Variants in GUCY1A2 observed in about 807,000 individuals in gnomAD.
GUCY1A2 encodes the protein guanylate cyclase soluble subunit alpha-2.
A neutral mutation model predicts 63.5 loss-of-function variants in GUCY1A2; 27 were observed. The observed-to-expected ratio is 0.43, with a 90% CI of 0.31 to 0.59. GUCY1A2 has a LOEUF of 0.59. Ranked by LOEUF, GUCY1A2 falls within the 20% of genes least tolerant of loss-of-function variation. The pLI is 0.11. For missense variants in GUCY1A2, 768 were observed against 913.3 expected (o/e 0.84, Z 2.05); for synonymous variants, 364 against 343.5 (o/e 1.06, Z -0.66).
At chr11:106,774,802 G>A (rs1010412592) in intron 6 of GUCY1A2, among the ~76,000 whole-genome samples, 1 of 152,036 alleles carries the variant, frequency 6.6e-6, no homozygotes, top group Non-Finnish European at 1.5e-5. Context: ...ACAAGCTCTT[G>A]CTTCATCTAT....
chr11:106,761,957 T>C (rs971715648), intron 6 of GUCY1A2, among the ~76,000 whole-genome samples: 3 of 152,116 alleles, frequency 2.0e-5, no homozygotes, highest in African/African-American at 7.2e-5. Flanking sequence ...CTGCGCTGCA[T>C]AGAGCACAGT....
intron 1 of GUCY1A2, among the ~76,000 whole-genome samples, chr11:107,002,896 CAGT>C (rs1468813135): frequency 1.3e-5 from 2 of 152,162 alleles, no homozygotes; most frequent in Non-Finnish European, 1.5e-5. Context: ...CAAAATATGA[CAGT>C]AGCCTTTGCA....
At chr11:106,953,336 C>A (rs1211702063) in intron 3 of GUCY1A2, among the ~76,000 whole-genome samples, 1 of 152,176 alleles carries the variant, frequency 6.6e-6, no homozygotes, top group Non-Finnish European at 1.5e-5. Flanking sequence ...TATGCATTTG[C>A]ATATGTTGAA....
At chr11:106,841,702 GAAGA>G (rs1216196899) in intron 4 of GUCY1A2, among the ~76,000 whole-genome samples, 1 of 151,846 alleles carries the variant, frequency 6.6e-6, no homozygotes, top group East Asian at 1.9e-4. Context: ...TTCTACAGCA[GAAGA>G]AAGTATAAAG....
chr11:106,913,698 A>C (rs1452546300), intron 4 of GUCY1A2, among the ~76,000 whole-genome samples: 3 of 152,170 alleles, frequency 2.0e-5, no homozygotes, highest in Non-Finnish European at 4.4e-5. Context: ...AAATGAGGCT[A>C]GACAGATGTA....
chr11:106,912,242 A>G (rs1019865599), intron 4 of GUCY1A2, among the ~76,000 whole-genome samples: 2 of 151,970 alleles, frequency 1.3e-5, no homozygotes, highest in African/African-American at 4.8e-5. Flanking sequence ...TCCATCCTCA[A>G]AAATATAAGA....
intron 4 of GUCY1A2, among the ~76,000 whole-genome samples, chr11:106,909,842 A>G (rs1860268998): frequency 6.6e-6 from 1 of 152,032 alleles, no homozygotes; most frequent in Admixed American, 6.6e-5. Context: ...GTATGATCAT[A>G]AGTTCTTATT....
At chr11:106,817,822 C>T (rs1858851247) in intron 4 of GUCY1A2, among the ~76,000 whole-genome samples, 1 of 151,888 alleles carries the variant, frequency 6.6e-6, no homozygotes, top group Non-Finnish European at 1.5e-5. Context: ...GTTAGAATGG[C>T]TATTAAAATG....
chr11:106,758,987 G>C (rs1864019680), intron 6 of GUCY1A2, among the ~76,000 whole-genome samples: 1 of 152,000 alleles, frequency 6.6e-6, no homozygotes, highest in Admixed American at 6.6e-5. Flanking sequence ...CATTTAGTTA[G>C]GAAAGGAGGG....
At chr11:106,916,475 C>T (rs183766174) in intron 4 of GUCY1A2, among the ~76,000 whole-genome samples, 1 of 145,476 alleles carries the variant, frequency 6.9e-6, no homozygotes, top group East Asian at 2.1e-4. Context: ...GATCGTAGTA[C>T]AGACTCTCAA....
At chr11:106,970,882 G>C (rs1861184440) in intron 3 of GUCY1A2, among the ~76,000 whole-genome samples, 1 of 151,860 alleles carries the variant, frequency 6.6e-6, no homozygotes, top group African/African-American at 2.4e-5. Context: ...ATATTTTTCA[G>C]GGGGGTGGGG....
At chr11:106,766,700 A>G (rs1864170076) in intron 6 of GUCY1A2, among the ~76,000 whole-genome samples, 1 of 152,118 alleles carries the variant, frequency 6.6e-6, no homozygotes, top group South Asian at 2.1e-4. Context: ...CAGATAGCAC[A>G]TTACTGTCTT....
intron 6 of GUCY1A2, among the ~76,000 whole-genome samples, chr11:106,715,900 C>T (rs1863205166): frequency 6.6e-6 from 1 of 152,144 alleles, no homozygotes; most frequent in African/African-American, 2.4e-5. Flanking sequence ...ATGATCATTG[C>T]TACAAAGTTA....
chr11:106,964,930 A>C (rs1202038523), intron 3 of GUCY1A2, among the ~76,000 whole-genome samples: 4 of 152,186 alleles, frequency 2.6e-5, no homozygotes, highest in Non-Finnish European at 5.9e-5. Flanking sequence ...CAGTGAGCCG[A>C]GATTGCACCA....
At chr11:106,827,340 G>A (rs1555037222) in intron 4 of GUCY1A2, 3 of 1,557,804 alleles carry the variant, frequency 1.9e-6, no homozygotes, top group Non-Finnish European at 8.9e-7. Context: ...CTCCTGCATC[G>A]AAGAAAGTAT....
intron 4 of GUCY1A2, among the ~76,000 whole-genome samples, chr11:106,871,592 G>A (rs1859678850): frequency 6.6e-6 from 1 of 152,084 alleles, no homozygotes; most frequent in Non-Finnish European, 1.5e-5. Flanking sequence ...AAGGATACCA[G>A]TTATATTGTA....
At chr11:106,834,627 A>G (rs1204168409) in intron 4 of GUCY1A2, among the ~76,000 whole-genome samples, 1 of 152,062 alleles carries the variant, frequency 6.6e-6, no homozygotes, top group Non-Finnish European at 1.5e-5. Context: ...AAACAAAAAA[A>G]GTAGATTTTG....
At chr11:106,778,406 C>A (rs1181838397) in intron 5 of GUCY1A2, among the ~76,000 whole-genome samples, 1 of 152,212 alleles carries the variant, frequency 6.6e-6, no homozygotes, top group East Asian at 1.9e-4. Flanking sequence ...CAATACATAT[C>A]CCTGGCTACG....
In GUCY1A2 at chr11:106,677,631, C is replaced by A; in HGVS notation, c.*9918G>T. ...TTGACATGCTGAATTTCATGGCATTCTGTCATTTTTATGACATTCTGTTAA... is the reference window on the plus strand; with the variant it reads ...TTGACATGCTGAATTTCATGGCATTATGTCATTTTTATGACATTCTGTTAA... On this transcript the variant is annotated 3_prime_UTR_variant, in exon 8 of 8. Transcript: ENST00000526355. 4.8e-6 allele frequency: 1 copy of A among 207,048 alleles called. No homozygotes were observed. Among genetic ancestry groups the A allele is most frequent in the Admixed American group, 5.9e-5 (1 of 16,862 alleles). 12.8% of individuals were successfully genotyped at this position (207,048 alleles called of 1,614,324 possible). A position where few individuals can be genotyped will look rare whatever the true frequency, so the allele number is the denominator to read the frequency against.
Sources: gnomAD v4.1 joint callset for allele counts (sites outside exome capture counted in the v4.1 genomes callset) on GRCh38, gnomAD v4.1.1 for gene constraint, MANE v1.5 for transcripts, NCBI Gene and HGNC (gene_info 2026-07-23, HGNC 2026-07-21) for gene names.